The following KCNH1 variants were observed in gnomAD, a reference collection of about 807,000 sequenced individuals.
KCNH1 encodes potassium voltage-gated channel subfamily H member 1.
In KCNH1, 27 loss-of-function variants were observed where a neutral mutation model predicts 69.2. The ratio of observed to expected loss-of-function variants is 0.39; its 90% CI spans 0.29 to 0.54. The LOEUF (loss-of-function observed/expected upper bound fraction) is 0.54. KCNH1 is among the 20% of genes least tolerant of loss of function. The pLI, the probability that KCNH1 is intolerant of heterozygous loss-of-function variation, is 0.68. For missense variants in KCNH1, 798 were observed against 1,261.6 expected (o/e 0.63, Z 5.57); for synonymous variants, 456 against 487.7 (o/e 0.93, Z 0.86).
At chr1:211,016,176 C>G in intron 6 of KCNH1, among the ~76,000 whole-genome samples, 1 of 152,096 alleles carries the variant, frequency 6.6e-6, no homozygotes, top group African/African-American at 2.4e-5. Context: ...AGTTCCAACC[C>G]AACATATACA....
chr1:211,066,653 A>T (rs1690535982), intron 5 of KCNH1, among the ~76,000 whole-genome samples: 1 of 152,222 alleles, frequency 6.6e-6, no homozygotes, highest in African/African-American at 2.4e-5. Context: ...ATCTATGAGT[A>T]CATATTATCC....
chr1:210,683,082 C>G lies in KCNH1; in HGVS notation c.*199G>C. The G allele has an allele frequency of 3.1e-6, 2 of 637,606 alleles. No homozygotes were observed. The highest frequency in any genetic ancestry group is 5.6e-6 in the Non-Finnish European group (2 of 360,138). 39.5% of individuals were successfully genotyped at this position (637,606 alleles called of 1,614,324 possible). ...AAAGACGGTTCAGATGCAGCTGCCA[C>G]CTTGCAGGGTAGGGGCACGCTACCC... On this transcript the variant is annotated 3_prime_UTR_variant, in exon 11 of 11. Coordinates refer to ENST00000271751, the MANE Select transcript of KCNH1 (RefSeq NM_172362.3). The surrounding 1 kb of genome is among the most constrained non-coding windows in gnomAD (Gnocchi z 5.7).
chr1:211,024,652 A>G (rs1001228653), intron 5 of KCNH1, among the ~76,000 whole-genome samples: 1 of 152,180 alleles, frequency 6.6e-6, no homozygotes, highest in African/African-American at 2.4e-5. Context: ...CTTTGTAGAT[A>G]ATGAGTTGGG....
At chr1:210,889,290 C>A (rs1177366905) in intron 7 of KCNH1, among the ~76,000 whole-genome samples, 1 of 152,132 alleles carries the variant, frequency 6.6e-6, no homozygotes, top group African/African-American at 2.4e-5. Context: ...ATAAACAGAA[C>A]CAATGACAAA....
chr1:210,746,374 G>T (rs1318801613), intron 10 of KCNH1, among the ~76,000 whole-genome samples: 1 of 152,090 alleles, frequency 6.6e-6, no homozygotes, highest in Non-Finnish European at 1.5e-5. Flanking sequence ...GGCTCTGGAG[G>T]TGATGAAATT....
chr1:211,092,565 G>A (rs1691071064), intron 3 of KCNH1, among the ~76,000 whole-genome samples: 2 of 152,134 alleles, frequency 1.3e-5, no homozygotes, highest in Admixed American at 1.3e-4. Context: ...CTTAAGAAGT[G>A]TTTTGAAAGA....
At chr1:210,882,452 A>T (rs1176398235) in intron 7 of KCNH1, among the ~76,000 whole-genome samples, 1 of 152,154 alleles carries the variant, frequency 6.6e-6, no homozygotes, top group Non-Finnish European at 1.5e-5. Context: ...CCGCCATTGT[A>T]TAACATCTAA....
intron 6 of KCNH1, among the ~76,000 whole-genome samples, chr1:210,968,601 C>T (rs1415647403): frequency 6.6e-6 from 1 of 151,308 alleles, no homozygotes; most frequent in African/African-American, 2.4e-5. Context: ...TTTTGATTTG[C>T]ATTTCTCTGA....
chr1:210,860,971 C>A, intron 7 of KCNH1: 2 of 992,288 alleles, frequency 2.0e-6, no homozygotes, highest in Non-Finnish European at 3.2e-6. Flanking sequence ...AGCTAAAGAG[C>A]CAATCATGCA....
chr1:211,012,508 A>G (rs1278114910), intron 6 of KCNH1, among the ~76,000 whole-genome samples: 1 of 152,236 alleles, frequency 6.6e-6, no homozygotes, highest in Non-Finnish European at 1.5e-5. Context: ...CCCTATATGC[A>G]TGTTGCTAAG....
At chr1:210,684,333 C>T (rs2149001426) in intron 10 of KCNH1, among the ~76,000 whole-genome samples, 195 bp from the exon 11 acceptor site, 1 of 152,256 alleles carries the variant, frequency 6.6e-6, no homozygotes, top group Non-Finnish European at 1.5e-5. Context: ...TTGACACTGG[C>T]TCCCAGCTTT....
chr1:210,946,482 C>T (rs543342838), intron 6 of KCNH1, among the ~76,000 whole-genome samples: 2 of 152,286 alleles, frequency 1.3e-5, no homozygotes, highest in South Asian at 4.1e-4. Context: ...TGAGATACTC[C>T]TCGTTCTAGA....
At chr1:211,002,120 C>A (rs1689194264) in intron 6 of KCNH1, among the ~76,000 whole-genome samples, 1 of 151,928 alleles carries the variant, frequency 6.6e-6, no homozygotes, top group Non-Finnish European at 1.5e-5. Flanking sequence ...ATGTAACAAA[C>A]CTGCACGTTG....
At chr1:210,923,581 G>T (rs1264469633) in intron 6 of KCNH1, among the ~76,000 whole-genome samples, 1 of 152,222 alleles carries the variant, frequency 6.6e-6, no homozygotes, top group Non-Finnish European at 1.5e-5. Context: ...GCTCAGACTG[G>T]TCCTTCAGTC....
chr1:210,896,803 ATAAAAG>A (rs1198826164), intron 7 of KCNH1, among the ~76,000 whole-genome samples: 1 of 152,196 alleles, frequency 6.6e-6, no homozygotes, highest in African/African-American at 2.4e-5. Flanking sequence ...AGTGAAGAAA[ATAAAAG>A]TAAGAAAAAA....
chr1:210,933,606 T>A lies in KCNH1; in HGVS notation c.1033-13537A>T, dbSNP rs1224463166. On this transcript the variant is annotated intron_variant, in intron 6 of 10. Transcript: ENST00000271751. Reference sequence around the variant, plus strand: ...ATGAATGAAATGAAAAGTTGGTTTTTTCAAAAGATAAACAAAATCAACAAA... The same window carrying A: ...ATGAATGAAATGAAAAGTTGGTTTTATCAAAAGATAAACAAAATCAACAAA... Among the ~76,000 whole-genome samples the A allele has an allele frequency of 2.6e-5, 4 of 151,818 alleles. No individual in the cohort carries two copies. In the East Asian group the frequency reaches 7.7e-4, roughly 29 times the overall value.
chr1:210,901,827 T>C (rs74643311), intron 7 of KCNH1, among the ~76,000 whole-genome samples: 218 of 152,338 alleles, frequency 1.4e-3, no homozygotes, highest in African/African-American at 4.8e-3. Flanking sequence ...ATCTGTTTTA[T>C]GTAACAGGAT....
chr1:210,841,913 T>C (rs761856019), intron 7 of KCNH1, among the ~76,000 whole-genome samples: 3 of 152,182 alleles, frequency 2.0e-5, no homozygotes, highest in Non-Finnish European at 4.4e-5. Flanking sequence ...AAGAAATATA[T>C]GTGGGATGAC....
At chr1:210,710,775 A>ACCCC (rs34448276) in intron 10 of KCNH1, among the ~76,000 whole-genome samples, 1 of 152,074 alleles carries the variant, frequency 6.6e-6, no homozygotes, top group African/African-American at 2.4e-5. Flanking sequence ...TGCTCTGCAC[A>ACCCC]GACTCTGTGC....
Sources: gnomAD v4.1 joint callset for allele counts (sites outside exome capture counted in the v4.1 genomes callset) on GRCh38, gnomAD v4.1.1 for gene constraint, Gnocchi (gnomAD v3.1) non-coding constraint, MANE v1.5 for transcripts, NCBI Gene and HGNC (gene_info 2026-07-23, HGNC 2026-07-21) for gene names.